CDK14: variants seen among roughly 807,000 people sequenced by gnomAD.
CDK14 encodes cyclin dependent kinase 14, also known as cyclin-dependent kinase 14.
In CDK14, 34 loss-of-function variants were observed where a neutral mutation model predicts 60.7. That is an observed-to-expected ratio of 0.56 (90% CI 0.43 to 0.75). The LOEUF is 0.75. Among genes scored for constraint, CDK14 ranks in the 30% least tolerant of loss-of-function variants. The pLI, the probability that CDK14 is intolerant of heterozygous loss-of-function variation, is 0.00. For synonymous variants in CDK14, 197 were observed against 203.7 expected (o/e 0.97, Z 0.28); for missense variants, 482 against 564.1 (o/e 0.85, Z 1.47).
At chr7:91,133,114 T>A (rs1248221444) in intron 14 of CDK14, among the ~76,000 whole-genome samples, 5 of 152,090 alleles carry the variant, frequency 3.3e-5, no homozygotes, top group Non-Finnish European at 7.4e-5. Flanking sequence ...GGATAAAAAT[T>A]TAAGACAATT....
chr7:91,139,860 A>G (rs933034913), intron 14 of CDK14, among the ~76,000 whole-genome samples: 1 of 74,006 alleles, frequency 1.4e-5, no homozygotes, highest in Non-Finnish European at 3.1e-5. Flanking sequence ...TTTTCTCTTT[A>G]TTTTCCCTCT....
At chr7:91,158,796 TAC>T (rs748414878) in intron 14 of CDK14, among the ~76,000 whole-genome samples, 2 of 152,184 alleles carry the variant, frequency 1.3e-5, no homozygotes, top group Non-Finnish European at 2.9e-5. Context: ...CCAGCTTAGA[TAC>T]AGTCAGGTCA....
intron 2 of CDK14, among the ~76,000 whole-genome samples, chr7:90,668,144 T>G (rs137903892): frequency 6.6e-6 from 1 of 152,350 alleles, no homozygotes; most frequent in Non-Finnish European, 1.5e-5. Flanking sequence ...TACCAGCAAC[T>G]TACAAGGTTT....
intron 5 of CDK14, among the ~76,000 whole-genome samples, chr7:90,836,321 C>T (rs953864152): frequency 6.6e-6 from 1 of 152,046 alleles, no homozygotes; most frequent in Admixed American, 6.5e-5. Context: ...TCTTTATATC[C>T]TTATTCTATA....
chr7:90,980,070 A>G (rs185464577), intron 9 of CDK14, among the ~76,000 whole-genome samples: 3 of 152,234 alleles, frequency 2.0e-5, no homozygotes, highest in Admixed American at 6.6e-5. Context: ...CAAATTGTCA[A>G]TTCTGCTTAA....
At chr7:91,148,421 T>A (rs1185227868) in intron 14 of CDK14, among the ~76,000 whole-genome samples, 1 of 152,200 alleles carries the variant, frequency 6.6e-6, no homozygotes, top group Non-Finnish European at 1.5e-5. Context: ...ATAACTACAT[T>A]TTACCCACAT....
chr7:90,991,038 T>C (rs897090085), intron 10 of CDK14, among the ~76,000 whole-genome samples: 2 of 152,166 alleles, frequency 1.3e-5, no homozygotes, highest in Admixed American at 6.6e-5. Flanking sequence ...TGCAAAACGA[T>C]TGTTACACAT....
At chr7:90,936,169 T>TA (rs375053254) in intron 8 of CDK14, among the ~76,000 whole-genome samples, 5 of 152,232 alleles carry the variant, frequency 3.3e-5, no homozygotes, top group East Asian at 1.9e-4. Flanking sequence ...TTTTCTGTTT[T>TA]AAAAAAAAGT....
chr7:90,633,823 A>C (rs1269976699), intron 2 of CDK14, among the ~76,000 whole-genome samples: 1 of 152,178 alleles, frequency 6.6e-6, no homozygotes, highest in East Asian at 1.9e-4. Context: ...AGTAGATGTA[A>C]CTGTAAACTA....
At chr7:91,183,292 T>C (rs917058430) in intron 14 of CDK14, among the ~76,000 whole-genome samples, 2 of 152,212 alleles carry the variant, frequency 1.3e-5, no homozygotes, top group African/African-American at 4.8e-5. Flanking sequence ...TATAAGCACA[T>C]GTGTGCACAT....
chr7:91,100,134 A>ATGAC (rs1334214498), intron 12 of CDK14, among the ~76,000 whole-genome samples: 2 of 152,184 alleles, frequency 1.3e-5, no homozygotes, highest in Admixed American at 1.3e-4. Flanking sequence ...TACGAGTATA[A>ATGAC]TGACTGACAG....
At chr7:90,883,878 A>G (rs1211972440) in intron 6 of CDK14, among the ~76,000 whole-genome samples, 1 of 152,256 alleles carries the variant, frequency 6.6e-6, no homozygotes, top group African/African-American at 2.4e-5. Flanking sequence ...GCCTTTGATG[A>G]AATTCAATGT....
intron 2 of CDK14, among the ~76,000 whole-genome samples, chr7:90,708,279 A>C (rs781235623): frequency 1.3e-5 from 2 of 152,186 alleles, no homozygotes; most frequent in Non-Finnish European, 2.9e-5. Flanking sequence ...GTGTATGATT[A>C]AATCTTGAAT....
intron 10 of CDK14, among the ~76,000 whole-genome samples, chr7:91,012,909 G>A (rs1375797443): frequency 6.6e-6 from 1 of 152,178 alleles, no homozygotes; most frequent in African/African-American, 2.4e-5. Flanking sequence ...AGGGCGTAAC[G>A]TTAAGTAGGA....
At chr7:90,736,342 ATGTTTT>A (rs532604475) in intron 3 of CDK14, among the ~76,000 whole-genome samples, 29,631 of 85,158 alleles carry the variant, frequency 0.35, 3,801 homozygotes, top group East Asian at 0.54. Flanking sequence ...GTACTTTATT[ATGTTTT>A]TGTTTTTTTT....
At chr7:91,022,789 T>C (rs1280728592) in intron 10 of CDK14, among the ~76,000 whole-genome samples, 3 of 152,212 alleles carry the variant, frequency 2.0e-5, no homozygotes, top group Non-Finnish European at 4.4e-5. Context: ...AGAATGAATC[T>C]GCTTTAGTTT....
At chr7:90,767,774 T>A (rs1473971638) in intron 4 of CDK14, among the ~76,000 whole-genome samples, 1 of 152,216 alleles carries the variant, frequency 6.6e-6, no homozygotes, top group African/African-American at 2.4e-5. Context: ...GAACTATACC[T>A]GAAAAAATAA....
chr7:90,804,399 A>G (rs1234529125), intron 5 of CDK14, among the ~76,000 whole-genome samples: 1 of 152,222 alleles, frequency 6.6e-6, no homozygotes, highest in Non-Finnish European at 1.5e-5. Context: ...TTATTGGGTT[A>G]AAATATTTTT....
chr7:90,780,649 C>T (rs189768218), intron 4 of CDK14, among the ~76,000 whole-genome samples: 141 of 145,382 alleles, frequency 9.7e-4, no homozygotes, highest in African/African-American at 3.3e-3. Context: ...TTGTTCAATA[C>T]GGTGTTTGGT....
Sources: allele counts gnomAD v4.1 joint callset (sites outside exome capture counted in the v4.1 genomes callset), GRCh38; gene constraint gnomAD v4.1.1; transcripts MANE v1.5; gene names NCBI Gene and HGNC (gene_info 2026-07-23, HGNC 2026-07-21).